Variants in SPI1 observed in about 807,000 individuals in gnomAD.
SPI1 encodes transcription factor PU.1.
In SPI1, 3 loss-of-function variants were observed where a neutral mutation model predicts 30.7. That is an observed-to-expected ratio of 0.10 (90% CI 0.04 to 0.25). SPI1 has a LOEUF of 0.25. Among genes scored for constraint, SPI1 ranks in the 10% least tolerant of loss-of-function variants. SPI1 has a pLI of 1.00. For synonymous variants in SPI1, 169 were observed against 157.1 expected (o/e 1.08, Z -0.56); for missense variants, 261 against 371.5 (o/e 0.70, Z 2.45).
chr11:47,359,113 C>T lies in SPI1; in HGVS notation c.331-107G>A. 9.9e-7 allele frequency: 1 copy of T among 1,009,630 alleles called. No homozygotes were observed. The highest frequency in any genetic ancestry group is 1.4e-6 in the Non-Finnish European group (1 of 707,864). 62.5% of individuals were successfully genotyped at this position (1,009,630 alleles called of 1,614,324 possible). On this transcript the variant is annotated intron_variant, in intron 3 of 4. Transcript: ENST00000378538. This position sits in a 1 kb window ranked among gnomAD's most constrained non-coding sequence, Gnocchi z 5.1. ...GAGAAGGAGTGCAGAGGGCAGGGGA[C>T]AATGGCAGGCACAGGAGACTGGAGG...
chr11:47,360,499 C>G (rs1276291206), intron 2 of SPI1, among the ~76,000 whole-genome samples: 3 of 152,172 alleles, frequency 2.0e-5, no homozygotes, highest in African/African-American at 4.8e-5. Flanking sequence ...AGCCGGCCCT[C>G]AGGGAAAGTT....
chr11:47,358,808 A>G, intron 4 of SPI1, 36 bp downstream of exon 4: 1 of 1,546,584 alleles, frequency 6.5e-7, no homozygotes, highest in Non-Finnish European at 8.7e-7. Context: ...AGACACGGCC[A>G]GGGTCGGGGC....
chr11:47,361,323 C>T (rs918234895), intron 2 of SPI1, among the ~76,000 whole-genome samples: 1 of 152,116 alleles, frequency 6.6e-6, no homozygotes, highest in African/African-American at 2.4e-5. Flanking sequence ...CCTTCCTCTT[C>T]AAAGCCATGA....
At chr11:47,371,566 C>T (rs1014426995) in intron 2 of SPI1, among the ~76,000 whole-genome samples, 1 of 148,342 alleles carries the variant, frequency 6.7e-6, no homozygotes, top group African/African-American at 2.5e-5. Flanking sequence ...ACTTAGGAGG[C>T]TGAGGTAGGA....
Position 47,375,578 on chromosome 11 carries a change from C to G in SPI1, c.142+55G>C. Reference sequence around the variant, plus strand: ...CATTTATTCTTTTTCTCTCTCCAGACCCCAGGAGCCCAGGCTGGGCTGGGG... The same window carrying G: ...CATTTATTCTTTTTCTCTCTCCAGAGCCCAGGAGCCCAGGCTGGGCTGGGG... On this transcript the variant is annotated intron_variant, in intron 2 of 4. Transcript: ENST00000378538. The surrounding 1 kb of genome is among the most constrained non-coding windows in gnomAD (Gnocchi z 4.2). 1 of 1,347,102 alleles carries G rather than the reference C, an allele frequency of 7.4e-7. No homozygotes were observed. The highest frequency in any genetic ancestry group is 1.2e-5 in the South Asian group (1 of 85,650). The allele number at this position is 1,347,102 out of a possible 1,614,324, so 83.4% of individuals were successfully genotyped here. A position where few individuals can be genotyped will look rare whatever the true frequency, so the allele number is the denominator to read the frequency against.
intron 2 of SPI1, among the ~76,000 whole-genome samples, chr11:47,366,933 A>G (rs1211231929): frequency 6.6e-6 from 1 of 152,244 alleles, no homozygotes; most frequent in Non-Finnish European, 1.5e-5. Flanking sequence ...TTAGAGTTTT[A>G]ATTCTTTTCC....
At chr11:47,355,760 ACACC>A (rs1242692299) in intron 4 of SPI1, among the ~76,000 whole-genome samples, 1 of 137,128 alleles carries the variant, frequency 7.3e-6, no homozygotes, top group Non-Finnish European at 1.6e-5. Context: ...ACACCCACTC[ACACC>A]CACGCACTCA....
chr11:47,359,334 A>T lies in SPI1; in HGVS notation c.331-328T>A, dbSNP rs1240905107. ...TGTGGACCCGCATTAGGCTGGGGTC[A>T]GAAGAGGGCATGCTAGGGACCGGTG... is the stretch of plus-strand genomic sequence containing the variant. On this transcript the variant is annotated intron_variant, in intron 3 of 4. Coordinates refer to ENST00000378538, the MANE Select transcript of SPI1 (RefSeq NM_003120.3). The surrounding 1 kb of genome is among the most constrained non-coding windows in gnomAD (Gnocchi z 5.1). Among the ~76,000 whole-genome samples the T allele has an allele frequency of 3.9e-5, 6 of 152,160 alleles. No individual in the cohort carries two copies. Among genetic ancestry groups the T allele is most frequent in the Admixed American group, 3.9e-4 (6 of 15,288 alleles).
chr11:47,371,583 C>G (rs1440534239), intron 2 of SPI1, among the ~76,000 whole-genome samples: 3 of 149,060 alleles, frequency 2.0e-5, no homozygotes, highest in Non-Finnish European at 3.0e-5. Flanking sequence ...AGGAGAATCG[C>G]TTGAACCTGG....
At position 47,358,425 on chromosome 11, in the gene SPI1, T is replaced by C. The variant is rs2095915336; in HGVS notation, c.493+419A>G. The C allele has an allele frequency of 6.3e-6, 4 of 631,540 alleles. No individual in the cohort carries two copies. The South Asian group carries it at 7.1e-5, about 11-fold the overall frequency. 39.1% of individuals were successfully genotyped at this position (631,540 alleles called of 1,614,324 possible). On this transcript the variant is annotated intron_variant, in intron 4 of 4. Transcript: ENST00000378538. ...AGCTGCTCACACGCACTGAAATACATTCATGTGTTGACAGACACACAAACA... is the reference window on the plus strand; with the variant it reads ...AGCTGCTCACACGCACTGAAATACACTCATGTGTTGACAGACACACAAACA...
intron 2 of SPI1, among the ~76,000 whole-genome samples, chr11:47,360,592 C>T (rs529444629): frequency 2.0e-5 from 3 of 152,130 alleles, no homozygotes; most frequent in South Asian, 2.1e-4. Context: ...TTTTGGGAGG[C>T]GGAGGCGGGC....
chr11:47,355,272 C>A lies in SPI1; in HGVS notation c.768G>T (p.Val256=). 6.4e-7 allele frequency: 1 copy of A among 1,551,812 alleles called. No individual in the cohort carries two copies. Among genetic ancestry groups the A allele is most frequent in the South Asian group, 1.2e-5 (1 of 84,906 alleles). Residue 256 remains valine (V), a synonymous_variant, in exon 5 of 5, where the codon GTG becomes GTT. Transcript: ENST00000378538. ...GCTCGGCCAGGCCCCCGCGGCCCAGCACTTCGCCGCTGAACTGGTAGGTGA... is the reference window on the plus strand; with the variant it reads ...GCTCGGCCAGGCCCCCGCGGCCCAGAACTTCGCCGCTGAACTGGTAGGTGA... ...KKLTYQFSGE[V]LGRGGLAERR...
rs1450809523 is a variant in SPI1, at chr11:47,375,445, C to T, written c.142+188G>A. ...CCCGCACCTTGACACACTGCAGAGGCTCCATAATGGAGGCTCAGGTGTGGG... is the reference window on the plus strand; with the variant it reads ...CCCGCACCTTGACACACTGCAGAGGTTCCATAATGGAGGCTCAGGTGTGGG... On this transcript the variant is annotated intron_variant, in intron 2 of 4. Coordinates refer to ENST00000378538, the MANE Select transcript of SPI1 (RefSeq NM_003120.3). The surrounding 1 kb of genome is among the most constrained non-coding windows in gnomAD (Gnocchi z 4.2). 6.6e-6 allele frequency among the ~76,000 whole-genome samples: 1 copy of T among 152,234 alleles called. No individual in the cohort carries two copies. Among genetic ancestry groups the T allele is most frequent in the African/African-American group, 2.4e-5 (1 of 41,448 alleles).
At chr11:47,367,650 A>G (rs2095930304) in intron 2 of SPI1, among the ~76,000 whole-genome samples, 1 of 151,634 alleles carries the variant, frequency 6.6e-6, no homozygotes, top group African/African-American at 2.4e-5. Context: ...AAAGAAAATA[A>G]CAAGTGTTAG....
Position 47,374,687 on chromosome 11 carries a change from C to G in SPI1, c.142+946G>C, listed in dbSNP as rs2095940048. Among the ~76,000 whole-genome samples, 1 of 152,234 alleles carries G rather than the reference C, an allele frequency of 6.6e-6. No individual in the cohort carries two copies. Among genetic ancestry groups the G allele is most frequent in the Non-Finnish European group, 1.5e-5 (1 of 68,040 alleles). ...GACGACTCACCCACTGACTAGGCCA[C>G]CTCGCTTTGGGTCAGGGATGTCTAC... On this transcript the variant is annotated intron_variant, in intron 2 of 4. Coordinates refer to ENST00000378538, the MANE Select transcript of SPI1 (RefSeq NM_003120.3). This position sits in a 1 kb window ranked among gnomAD's most constrained non-coding sequence, Gnocchi z 4.5.
Position 47,356,102 on chromosome 11 carries a change from A to G in SPI1, c.494-556T>C, listed in dbSNP as rs572313270. On this transcript the variant is annotated intron_variant, in intron 4 of 4. Transcript: ENST00000378538. ...ACACACATGCTTGTGCAATGCACCC[A>G]AACGCCAGATTGCACCCACACCCAC... 8.9e-4 allele frequency among the ~76,000 whole-genome samples: 134 copies of G among 150,522 alleles called. 2 individuals are homozygous for G. Among genetic ancestry groups the G allele is most frequent in the African/African-American group, 3.2e-3 (131 of 40,842 alleles).
rs2095937042 is a variant in SPI1, at chr11:47,372,353, A to G, written c.142+3280T>C. ...GATCCACCCACCTCAGCCACCCAAA[A>G]TGCTGAAATTACAGGCATGAGCCAC... On this transcript the variant is annotated intron_variant, in intron 2 of 4. Transcript: ENST00000378538. 3.4e-5 allele frequency among the ~76,000 whole-genome samples: 5 copies of G among 147,008 alleles called. No individual in the cohort carries two copies. In the Admixed American group the frequency reaches 3.5e-4, roughly 10 times the overall value.
chr11:47,366,647 G>A (rs1203139460), intron 2 of SPI1, among the ~76,000 whole-genome samples: 1 of 151,998 alleles, frequency 6.6e-6, no homozygotes, highest in Non-Finnish European at 1.5e-5. Flanking sequence ...TTGAAACCCT[G>A]TCTCTACTAA....
chr11:47,366,243 A>G (rs1362216621), intron 2 of SPI1, among the ~76,000 whole-genome samples: 2 of 152,258 alleles, frequency 1.3e-5, no homozygotes, highest in Middle Eastern at 3.4e-3. Flanking sequence ...CCAAAGTCCT[A>G]CCCACACATC....
Sources: allele counts gnomAD v4.1 joint callset (sites outside exome capture counted in the v4.1 genomes callset), GRCh38; gene constraint gnomAD v4.1.1; non-coding constraint Gnocchi (gnomAD v3.1); transcripts MANE v1.5; gene names NCBI Gene and HGNC (gene_info 2026-07-23, HGNC 2026-07-21).